GALNT13: variants seen among roughly 807,000 people sequenced by gnomAD.
GALNT13 encodes polypeptide N-acetylgalactosaminyltransferase 13, also known as UDP-GalNAc:polypeptide N-acetylgalactosaminyltransferase 13.
A neutral mutation model predicts 64.2 loss-of-function variants in GALNT13; 28 were observed. That is an observed-to-expected ratio of 0.44 (90% CI 0.32 to 0.60). GALNT13 has a LOEUF of 0.60. Ranked by LOEUF, GALNT13 falls within the 20% of genes least tolerant of loss-of-function variation. The pLI is 0.05. For synonymous variants in GALNT13, 214 were observed against 224.6 expected, an observed-to-expected ratio of 0.95 and a Z score of 0.42; for missense variants, 577 against 669.8, an observed-to-expected ratio of 0.86 and a Z score of 1.53.
the GALNT13 span, among the ~76,000 whole-genome samples, chr2:153,852,339 G>A: frequency 1.3e-5 from 2 of 151,924 alleles, no homozygotes; most frequent in Non-Finnish European, 2.9e-5. Flanking sequence ...GCCTATATCA[G>A]GATTAGATAA....
the GALNT13 span, among the ~76,000 whole-genome samples, chr2:153,476,270 C>T: frequency 1.3e-5 from 2 of 152,166 alleles, no homozygotes; most frequent in African/African-American, 4.8e-5. Context: ...GAGTCGTTAA[C>T]ATTGTTTACA....
At chr2:154,226,184 T>C (rs1307558972) in intron 4 of GALNT13, among the ~76,000 whole-genome samples, 1 of 152,102 alleles carries the variant, frequency 6.6e-6, no homozygotes, top group Non-Finnish European at 1.5e-5. Context: ...ATGAAGCCTT[T>C]GTTTTGGTGT....
At chr2:153,381,683 G>A in the GALNT13 span, among the ~76,000 whole-genome samples, 1 of 151,912 alleles carries the variant, frequency 6.6e-6, no homozygotes. Flanking sequence ...TCCAAATCTT[G>A]GACAGAAAAG....
chr2:154,322,083 T>G (rs1314050814), intron 9 of GALNT13, among the ~76,000 whole-genome samples: 1 of 150,936 alleles, frequency 6.6e-6, no homozygotes, highest in African/African-American at 2.4e-5. Context: ...AGGCCTAGGA[T>G]TCTAAAGGCA....
At chr2:154,069,763 A>G (rs186751224) in intron 3 of GALNT13, among the ~76,000 whole-genome samples, 4 of 152,218 alleles carry the variant, frequency 2.6e-5, no homozygotes, top group Non-Finnish European at 5.9e-5. Flanking sequence ...CAACACCTAT[A>G]CATTGAGGAA....
chr2:153,892,518 A>C (rs1687619624), intron 1 of GALNT13, among the ~76,000 whole-genome samples: 1 of 152,066 alleles, frequency 6.6e-6, no homozygotes. Flanking sequence ...ATTTAAAGTT[A>C]GGTTTAAAGA....
chr2:153,178,732 C>CTT, the GALNT13 span, among the ~76,000 whole-genome samples: 570 of 98,328 alleles, frequency 5.8e-3, 10 homozygotes, highest in South Asian at 0.023. Flanking sequence ...TTCTCTTCTT[C>CTT]TTTTTTTTTT....
the GALNT13 span, among the ~76,000 whole-genome samples, chr2:153,828,218 T>A: frequency 0.01 from 1,591 of 152,338 alleles, 14 homozygotes; most frequent in Admixed American, 0.019. Flanking sequence ...AGAATGGCGA[T>A]GGGCCTCTTC....
the GALNT13 span, among the ~76,000 whole-genome samples, chr2:153,296,295 G>A: frequency 6.6e-6 from 1 of 152,120 alleles, no homozygotes. Flanking sequence ...GAGAATTTCT[G>A]TTTCCAAAAC....
chr2:153,901,266 C>G (rs1688217080), intron 2 of GALNT13, among the ~76,000 whole-genome samples: 1 of 152,036 alleles, frequency 6.6e-6, no homozygotes, highest in Admixed American at 6.6e-5. Context: ...AATGTGATAC[C>G]TCTAGTTTTT....
intron 9 of GALNT13, among the ~76,000 whole-genome samples, chr2:154,314,752 C>T (rs1694237786): frequency 6.6e-6 from 1 of 152,146 alleles, no homozygotes; most frequent in Admixed American, 6.6e-5. Flanking sequence ...GCAAGGATGG[C>T]ACCAAGCCAT....
At chr2:153,162,951 C>T in the GALNT13 span, among the ~76,000 whole-genome samples, 1 of 152,126 alleles carries the variant, frequency 6.6e-6, no homozygotes, top group Admixed American at 6.5e-5. Context: ...AGGCTGGGGC[C>T]TCTCTCAAGT....
chr2:153,831,596 C>T, the GALNT13 span, among the ~76,000 whole-genome samples: 2 of 151,796 alleles, frequency 1.3e-5, no homozygotes, highest in African/African-American at 2.4e-5. Context: ...TTGCCAATGC[C>T]CTCTCTTGAC....
chr2:153,102,824 A>G, the GALNT13 span, among the ~76,000 whole-genome samples: 1 of 152,278 alleles, frequency 6.6e-6, no homozygotes, highest in African/African-American at 2.4e-5. Flanking sequence ...GTGCTATGTA[A>G]CATGAAAATG....
intron 3 of GALNT13, among the ~76,000 whole-genome samples, chr2:154,045,260 G>A (rs1699217297): frequency 6.6e-6 from 1 of 152,184 alleles, no homozygotes; most frequent in South Asian, 2.1e-4. Context: ...GACATTGGAA[G>A]ACAGGACTTT....
chr2:153,383,863 G>A, the GALNT13 span, among the ~76,000 whole-genome samples: 2 of 151,956 alleles, frequency 1.3e-5, no homozygotes, highest in African/African-American at 4.8e-5. Context: ...TAAGACACAA[G>A]GATGTTAAGA....
chr2:153,474,920 G>A, the GALNT13 span, among the ~76,000 whole-genome samples: 1 of 152,238 alleles, frequency 6.6e-6, no homozygotes, highest in South Asian at 2.1e-4. Context: ...GGTCTCTTAA[G>A]GCTGACATTG....
At chr2:153,810,303 C>A in the GALNT13 span, among the ~76,000 whole-genome samples, 2 of 152,134 alleles carry the variant, frequency 1.3e-5, no homozygotes, top group Admixed American at 1.3e-4. Flanking sequence ...AAATCCCCTA[C>A]AATTAGGCCA....
chr2:154,367,876 A>T (rs942533662), intron 9 of GALNT13, among the ~76,000 whole-genome samples: 1 of 152,228 alleles, frequency 6.6e-6, no homozygotes, highest in African/African-American at 2.4e-5. Context: ...GGATGAAAAC[A>T]TTTATCATGG....
Sources: gnomAD v4.1 joint callset for allele counts (sites outside exome capture counted in the v4.1 genomes callset) on GRCh38, gnomAD v4.1.1 for gene constraint, MANE v1.5 for transcripts, NCBI Gene and HGNC (gene_info 2026-07-23, HGNC 2026-07-21) for gene names.